Variants in IMMP2L observed in about 807,000 individuals in gnomAD.
IMMP2L encodes mitochondrial inner membrane protease subunit 2.
IMMP2L carries 18 observed loss-of-function variants against 19.3 expected under a neutral mutation model. The observed-to-expected ratio is 0.93, with a 90% CI of 0.64 to 1.38. The LOEUF (loss-of-function observed/expected upper bound fraction) is 1.38. IMMP2L is among the 40% of genes most tolerant of loss of function. The pLI, the probability that IMMP2L is intolerant of heterozygous loss-of-function variation, is 0.00. For missense variants in IMMP2L, 233 were observed against 218.2 expected, an observed-to-expected ratio of 1.07 and a Z score of -0.43; for synonymous variants, 76 against 73.0, an observed-to-expected ratio of 1.04 and a Z score of -0.21.
chr7:110,859,288 A>G (rs2129542536), intron 5 of IMMP2L, among the ~76,000 whole-genome samples: 1 of 152,172 alleles, frequency 6.6e-6, no homozygotes, highest in Non-Finnish European at 1.5e-5. Context: ...TTTCAGTCTG[A>G]CTAAAGTCTG....
At chr7:111,502,936 C>CA (rs1425110126) in intron 2 of IMMP2L, among the ~76,000 whole-genome samples, 1 of 148,684 alleles carries the variant, frequency 6.7e-6, no homozygotes, top group East Asian at 2.0e-4. Context: ...CAAACACATT[C>CA]AAAAGCTAGC....
intron 3 of IMMP2L, among the ~76,000 whole-genome samples, chr7:111,358,110 T>C (rs1828898409): frequency 6.6e-6 from 1 of 150,958 alleles, no homozygotes; most frequent in Non-Finnish European, 1.5e-5. Flanking sequence ...GTTTTTGCTA[T>C]ACCCTCTGGG....
At chr7:110,804,209 GA>G (rs1801458506) in intron 5 of IMMP2L, among the ~76,000 whole-genome samples, 1 of 151,938 alleles carries the variant, frequency 6.6e-6, no homozygotes, top group Non-Finnish European at 1.5e-5. Flanking sequence ...CTTGGTATTA[GA>G]AACATAGTAT....
In IMMP2L at chr7:110,911,355, A is replaced by G. The variant is rs544289201; in HGVS notation, c.306-24660T>C. On this transcript the variant is annotated intron_variant, in intron 4 of 5. Coordinates refer to ENST00000405709, the MANE Select transcript of IMMP2L (RefSeq NM_032549.4). The stretch of plus-strand genomic sequence containing the variant: ...AATGTAAATCAAAAGGCATTAATTT[A>G]TGCTAAAATTGCCTTTCCCTCCAAG... 4.9e-4 allele frequency among the ~76,000 whole-genome samples: 74 copies of G among 152,282 alleles called. No individual in the cohort carries two copies. The Middle Eastern group carries it at 0.017, about 35-fold the overall frequency.
intron 3 of IMMP2L, among the ~76,000 whole-genome samples, chr7:111,169,500 T>G (rs1368918309): frequency 6.6e-6 from 1 of 151,890 alleles, no homozygotes; most frequent in Non-Finnish European, 1.5e-5. Flanking sequence ...TTTGGTTACA[T>G]TCAGCGTTCT....
intron 3 of IMMP2L, among the ~76,000 whole-genome samples, chr7:111,036,026 T>C (rs2129569887): frequency 6.6e-6 from 1 of 152,314 alleles, no homozygotes; most frequent in East Asian, 1.9e-4. Flanking sequence ...GCCTAGCACA[T>C]AGGAAGTTCT....
intron 4 of IMMP2L, among the ~76,000 whole-genome samples, chr7:110,920,852 C>A (rs989536214): frequency 6.6e-6 from 1 of 152,146 alleles, no homozygotes; most frequent in Non-Finnish European, 1.5e-5. Flanking sequence ...ACCTTTCACC[C>A]AGCTTTCCCT....
chr7:111,306,997 A>T (rs1822950533), intron 3 of IMMP2L, among the ~76,000 whole-genome samples: 1 of 148,908 alleles, frequency 6.7e-6, no homozygotes, highest in African/African-American at 2.4e-5. Context: ...GATATATATT[A>T]CATTCTAATT....
intron 3 of IMMP2L, among the ~76,000 whole-genome samples, chr7:111,171,471 T>G (rs1806444986): frequency 6.6e-6 from 1 of 151,582 alleles, no homozygotes; most frequent in African/African-American, 2.4e-5. Flanking sequence ...GAAAGAAGCA[T>G]TAGGGAACAA....
intron 5 of IMMP2L, among the ~76,000 whole-genome samples, chr7:110,861,098 T>TGTGTGTGTGA (rs780880935): frequency 7.1e-6 from 1 of 141,730 alleles, no homozygotes; most frequent in African/African-American, 2.7e-5. Flanking sequence ...TGTGTGTGTG[T>TGTGTGTGTGA]GAGAGAGAGA....
At chr7:110,820,333 C>A (rs1057446468) in intron 5 of IMMP2L, among the ~76,000 whole-genome samples, 1 of 151,948 alleles carries the variant, frequency 6.6e-6, no homozygotes. Flanking sequence ...TAACTTTACC[C>A]TGAGATCTAA....
chr7:110,789,211 C>T lies in IMMP2L; in HGVS notation c.408+97382G>A, dbSNP rs1028049495. Among the ~76,000 whole-genome samples, 8 of 151,754 alleles carry T rather than the reference C, an allele frequency of 5.3e-5. 1 individual carries two copies. Among genetic ancestry groups the T allele is most frequent in the Admixed American group, 6.6e-5 (1 of 15,242 alleles). ...TCCCAACCAAGGCTTTAGATATTGT[C>T]GAATAGAGGGAACAGACAAGATGCC... is the stretch of plus-strand genomic sequence containing the variant. On this transcript the variant is annotated intron_variant, in intron 5 of 5. Coordinates refer to ENST00000405709, the MANE Select transcript of IMMP2L (RefSeq NM_032549.4).
intron 4 of IMMP2L, among the ~76,000 whole-genome samples, chr7:110,950,342 C>T (rs780294802): frequency 3.9e-5 from 6 of 151,964 alleles, no homozygotes; most frequent in Non-Finnish European, 8.8e-5. Flanking sequence ...ATGCCAGTAC[C>T]ATATTGTTGT....
intron 3 of IMMP2L, among the ~76,000 whole-genome samples, chr7:111,277,538 C>T (rs1819212126): frequency 6.7e-6 from 1 of 150,356 alleles, no homozygotes. Flanking sequence ...ACACTCCAGC[C>T]TGAGACAGAC....
intron 3 of IMMP2L, among the ~76,000 whole-genome samples, chr7:111,220,844 G>A (rs772992527): frequency 2.8e-4 from 42 of 151,934 alleles, no homozygotes; most frequent in Admixed American, 4.6e-4. Context: ...AGAACCAGGG[G>A]AACCGAGGGC....
At chr7:110,776,060 C>T (rs577778913) in intron 5 of IMMP2L, among the ~76,000 whole-genome samples, 499 of 151,940 alleles carry the variant, frequency 3.3e-3, no homozygotes, top group Middle Eastern at 0.021. Context: ...ATAAATAATC[C>T]GTAATTTGAA....
chr7:111,478,229 T>G (rs1841886089), intron 3 of IMMP2L, among the ~76,000 whole-genome samples: 1 of 152,176 alleles, frequency 6.6e-6, no homozygotes, highest in East Asian at 1.9e-4. Flanking sequence ...TCCAGTTCAC[T>G]AATTCTTTCC....
rs988971819 is a variant in IMMP2L, at chr7:111,122,978, C to G, written c.240-159413G>C. 24 of 1,613,914 alleles carry G rather than the reference C, an allele frequency of 1.5e-5. No individual in the cohort carries two copies. Among genetic ancestry groups the G allele is most frequent in the Non-Finnish European group, 2.0e-5 (24 of 1,179,960 alleles). ...TTAACTTTCCCAGCCAGATTGCCAGCTAACACACAGATTCTTCTCCTACAG... is the reference window on the plus strand; with the variant it reads ...TTAACTTTCCCAGCCAGATTGCCAGGTAACACACAGATTCTTCTCCTACAG... On this transcript the variant is annotated intron_variant, in intron 3 of 5. Coordinates refer to ENST00000405709, the MANE Select transcript of IMMP2L (RefSeq NM_032549.4).
At position 111,053,404 on chromosome 7, in the gene IMMP2L, TAGGTG is replaced by T. The variant is rs145150060; in HGVS notation, c.240-89844_240-89840del. Among the ~76,000 whole-genome samples the T allele has an allele frequency of 8.0e-3, 1,216 of 152,266 alleles. 15 individuals carry two copies. The highest frequency in any genetic ancestry group is 0.028 in the African/African-American group (1,170 of 41,536). The stretch of plus-strand genomic sequence containing the variant: ...TCTTTCCTTACCAGTCAAATGGCCC[TAGGTG>T]GTCATATACCAGTTAAACTCCAACA... On this transcript the variant is annotated intron_variant, in intron 3 of 5. Transcript: ENST00000405709.
Sources: gnomAD v4.1 joint callset for allele counts (sites outside exome capture counted in the v4.1 genomes callset) on GRCh38, gnomAD v4.1.1 for gene constraint, MANE v1.5 for transcripts, NCBI Gene and HGNC (gene_info 2026-07-23, HGNC 2026-07-21) for gene names.